RBFOX3: variants seen among roughly 807,000 people sequenced by gnomAD.
RBFOX3 encodes RNA binding protein fox-1 homolog 3.
A neutral mutation model predicts 48.7 loss-of-function variants in RBFOX3; 17 were observed. That is an observed-to-expected ratio of 0.35 (90% CI 0.24 to 0.52). The LOEUF (loss-of-function observed/expected upper bound fraction) is 0.52. RBFOX3 is among the 20% of genes least tolerant of loss of function. The pLI is 0.94. For missense variants in RBFOX3, 382 were observed against 497.5 expected (o/e 0.77, Z 2.21); for synonymous variants, 212 against 209.5 (o/e 1.01, Z -0.10).
the RBFOX3 span, among the ~76,000 whole-genome samples, chr17:79,632,337 A>T: frequency 5.9e-5 from 9 of 152,030 alleles, no homozygotes; most frequent in Middle Eastern, 0.01. Context: ...ACCAGAGGAG[A>T]TGGGAGAGGA....
At chr17:79,515,086 G>C (rs2085052345) in intron 1 of RBFOX3, among the ~76,000 whole-genome samples, 1 of 152,218 alleles carries the variant, frequency 6.6e-6, no homozygotes, top group Non-Finnish European at 1.5e-5. Flanking sequence ...CCCTCAGCCT[G>C]GGTGCACCTG....
intron 3 of RBFOX3, among the ~76,000 whole-genome samples, chr17:79,302,563 C>T (rs868797869): frequency 5.3e-5 from 8 of 152,150 alleles, no homozygotes; most frequent in Non-Finnish European, 8.8e-5. Context: ...CGCCTGTAAT[C>T]CCAGCTACTT....
chr17:79,354,523 C>T (rs11653573), intron 2 of RBFOX3, among the ~76,000 whole-genome samples: 3,754 of 152,362 alleles, frequency 0.025, 54 homozygotes, highest in African/African-American at 0.042. Flanking sequence ...TCAGTCTTGG[C>T]GTTTTCAACA....
rs2077994184 is a variant in RBFOX3, at chr17:79,477,327, CA to C, written c.-175+5126del. ...ATCCCAGCACTTTGGGAGGCCAAGG[CA>C]GGTGGATCACGAGGTCAGGAGATCG... is the stretch of plus-strand genomic sequence containing the variant. On this transcript the variant is annotated intron_variant, in intron 2 of 14. Transcript: ENST00000693108. The surrounding 1 kb of genome is among the most constrained non-coding windows in gnomAD (Gnocchi z 4.8). Among the ~76,000 whole-genome samples, 1 of 147,454 alleles carries C rather than the reference CA, an allele frequency of 6.8e-6. No individual in the cohort carries two copies. Among genetic ancestry groups the C allele is most frequent in the South Asian group, 2.2e-4 (1 of 4,620 alleles).
intron 4 of RBFOX3, among the ~76,000 whole-genome samples, chr17:79,225,062 C>T (rs1251868722): frequency 6.6e-6 from 1 of 152,198 alleles, no homozygotes; most frequent in Non-Finnish European, 1.5e-5. Flanking sequence ...CCCCAGGAGT[C>T]AGTGCCCTTT....
chr17:79,540,392 G>A (rs1249953890), intron 1 of RBFOX3, among the ~76,000 whole-genome samples: 7 of 152,212 alleles, frequency 4.6e-5, no homozygotes, highest in African/African-American at 1.7e-4. Context: ...AATGAACGGC[G>A]GAGGCCCCGG....
At chr17:79,208,997 T>C (rs973192167) in intron 4 of RBFOX3, among the ~76,000 whole-genome samples, 1 of 151,658 alleles carries the variant, frequency 6.6e-6, no homozygotes, top group Non-Finnish European at 1.5e-5. Context: ...TTGTACTTTT[T>C]TTTAGTAGAG....
In RBFOX3 at chr17:79,477,627, C is replaced by T. The variant is rs2078129115; in HGVS notation, c.-175+4827G>A. ...GAAGCAATGGAGTGGGGCCCCAGGT[C>T]CTTGTCTCATGTCCTCTTTCTCACA... On this transcript the variant is annotated intron_variant, in intron 2 of 14. Transcript: ENST00000693108. The surrounding 1 kb of genome is among the most constrained non-coding windows in gnomAD (Gnocchi z 4.8). Among the ~76,000 whole-genome samples, 1 of 151,968 alleles carries T rather than the reference C, an allele frequency of 6.6e-6. No homozygotes were observed. The highest frequency in any genetic ancestry group is 1.5e-5 in the Non-Finnish European group (1 of 68,004).
the RBFOX3 span, among the ~76,000 whole-genome samples, chr17:79,645,959 C>T: frequency 6.6e-6 from 1 of 152,182 alleles, no homozygotes; most frequent in Non-Finnish European, 1.5e-5. Flanking sequence ...CTGCACCTCC[C>T]GCAAAAACTG....
At chr17:79,620,046 C>T in the RBFOX3 span, among the ~76,000 whole-genome samples, 405 of 151,068 alleles carry the variant, frequency 2.7e-3, 1 homozygote, top group South Asian at 9.2e-3. Context: ...TATGCACACA[C>T]GCACATGCAC....
At chr17:79,375,169 G>T (rs1455828487) in intron 2 of RBFOX3, among the ~76,000 whole-genome samples, 1 of 152,204 alleles carries the variant, frequency 6.6e-6, no homozygotes, top group Non-Finnish European at 1.5e-5. Context: ...CCGTCATTTG[G>T]TCAAGACAAG....
In RBFOX3 at chr17:79,363,170, G is replaced by A. The variant is rs1175567217; in HGVS notation, c.-174-55346C>T. Reference sequence around the variant, plus strand: ...GGGGAGGCACATGACTCCTGTGTCTGAGGTGGCTCCTGCACTCCTGAGCGT... The same window carrying A: ...GGGGAGGCACATGACTCCTGTGTCTAAGGTGGCTCCTGCACTCCTGAGCGT... On this transcript the variant is annotated intron_variant, in intron 2 of 14. Transcript: ENST00000693108. This position sits in a 1 kb window ranked among gnomAD's most constrained non-coding sequence, Gnocchi z 4.7. Among the ~76,000 whole-genome samples the A allele has an allele frequency of 5.3e-5, 8 of 152,200 alleles. No homozygotes were observed. Among genetic ancestry groups the A allele is most frequent in the Admixed American group, 2.6e-4 (4 of 15,288 alleles).
intron 14 of RBFOX3, 49 bp from the exon 15 acceptor site, chr17:79,090,934 C>G: frequency 6.5e-7 from 1 of 1,527,882 alleles, no homozygotes; most frequent in Non-Finnish European, 8.8e-7. Context: ...GGGGGAGGCA[C>G]AGCAGGTGTG....
At position 79,138,935 on chromosome 17, in the gene RBFOX3, A is replaced by G. The variant is rs28378335; in HGVS notation, c.-33-23187T>C. ...ACCCGCACACGCACACAGCACATGC[A>G]TTCACACCCCCCTCAGCCCCACACA... is the stretch of plus-strand genomic sequence containing the variant. On this transcript the variant is annotated intron_variant, in intron 4 of 14. Coordinates refer to ENST00000693108, the MANE Select transcript of RBFOX3 (RefSeq NM_001350451.2). Among the ~76,000 whole-genome samples the G allele has an allele frequency of 5.7e-3, 201 of 35,188 alleles. 1 individual carries two copies. Among genetic ancestry groups the G allele is most frequent in the South Asian group, 0.038 (31 of 824 alleles). 23.1% of individuals were successfully genotyped at this position (35,188 alleles called of 152,430 possible). A position where few individuals can be genotyped will look rare whatever the true frequency, so the allele number is the denominator to read the frequency against.
At chr17:79,591,795 C>T (rs1043862605) in intron 1 of RBFOX3, among the ~76,000 whole-genome samples, 6 of 151,186 alleles carry the variant, frequency 4.0e-5, no homozygotes, top group East Asian at 2.0e-4. Flanking sequence ...TATGTGTGCA[C>T]GTATGGAGGG....
At chr17:79,376,048 T>C (rs1369934290) in intron 2 of RBFOX3, among the ~76,000 whole-genome samples, 1 of 152,178 alleles carries the variant, frequency 6.6e-6, no homozygotes, top group Non-Finnish European at 1.5e-5. Context: ...GTAGAGACGA[T>C]TCTCGTCCTG....
the RBFOX3 span, among the ~76,000 whole-genome samples, chr17:79,648,422 C>G: frequency 1.3e-5 from 2 of 152,220 alleles, no homozygotes; most frequent in Non-Finnish European, 2.9e-5. Flanking sequence ...GGTTTGCATC[C>G]TGCTCTCCAG....
At chr17:79,636,211 AT>A in the RBFOX3 span, among the ~76,000 whole-genome samples, 1 of 152,200 alleles carries the variant, frequency 6.6e-6, no homozygotes, top group African/African-American at 2.4e-5. Flanking sequence ...TATCCAAGAT[AT>A]ATTGTGACCA....
chr17:79,092,668 C>A, intron 14 of RBFOX3: 1 of 959,008 alleles, frequency 1.0e-6, no homozygotes, highest in Non-Finnish European at 1.2e-6. Flanking sequence ...GAAAAACAGC[C>A]AATCAGTACC....
Sources: allele counts gnomAD v4.1 joint callset (sites outside exome capture counted in the v4.1 genomes callset), GRCh38; gene constraint gnomAD v4.1.1; non-coding constraint Gnocchi (gnomAD v3.1); transcripts MANE v1.5; gene names NCBI Gene and HGNC (gene_info 2026-07-23, HGNC 2026-07-21).